The following C1orf185 variants were observed in gnomAD, a reference collection of about 807,000 sequenced individuals.
The protein encoded by C1orf185 is uncharacterized protein C1orf185.
A neutral mutation model predicts 16.1 loss-of-function variants in C1orf185; 13 were observed. The ratio of observed to expected loss-of-function variants is 0.81; its 90% CI spans 0.53 to 1.28. C1orf185 has a LOEUF of 1.28. C1orf185 is among the 50% of genes most tolerant of loss of function. The pLI is 0.00. For missense variants in C1orf185, 220 were observed against 225.2 expected (o/e 0.98, Z 0.15); for synonymous variants, 80 against 76.9 (o/e 1.04, Z -0.21).
intron 3 of C1orf185, among the ~76,000 whole-genome samples, chr1:51,128,842 G>T (rs1646261280): frequency 6.6e-6 from 1 of 152,074 alleles, no homozygotes; most frequent in Non-Finnish European, 1.5e-5. Flanking sequence ...AAACTGGAAA[G>T]TTTGTTTGAC....
intron 3 of C1orf185, among the ~76,000 whole-genome samples, chr1:51,129,944 C>T (rs1646270647): frequency 6.6e-6 from 1 of 152,168 alleles, no homozygotes; most frequent in Non-Finnish European, 1.5e-5. Context: ...TGAGCTGACA[C>T]ATACATTCAG....
Position 51,121,624 on chromosome 1 carries a change from C to T in C1orf185, c.258+2823C>T, listed in dbSNP as rs143733372. Among the ~76,000 whole-genome samples the T allele has an allele frequency of 4.2e-3, 644 of 152,168 alleles. 7 individuals are homozygous for T. Among genetic ancestry groups the T allele is most frequent in the African/African-American group, 0.015 (603 of 41,514 alleles). On this transcript the variant is annotated intron_variant, in intron 3 of 4. Coordinates refer to ENST00000371759, the MANE Select transcript of C1orf185 (RefSeq NM_001136508.2). ...CTGTTTTTCTTATCTCAATTTCTGCCTCTGTATTGGCTTCTTCCTCTTCTA... is the reference window on the plus strand; with the variant it reads ...CTGTTTTTCTTATCTCAATTTCTGCTTCTGTATTGGCTTCTTCCTCTTCTA...
At chr1:51,117,644 G>C (rs1420025574) in intron 2 of C1orf185, among the ~76,000 whole-genome samples, 1 of 151,970 alleles carries the variant, frequency 6.6e-6, no homozygotes, top group Non-Finnish European at 1.5e-5. Flanking sequence ...TTTTACTTTA[G>C]TAATACACAT....
intron 1 of C1orf185, among the ~76,000 whole-genome samples, chr1:51,104,381 C>A (rs966846048): frequency 8.5e-5 from 13 of 152,070 alleles, no homozygotes; most frequent in Non-Finnish European, 1.3e-4. Flanking sequence ...ATACATAGGT[C>A]TATAACATAT....
At chr1:51,106,729 T>C (rs186763425) in intron 1 of C1orf185, among the ~76,000 whole-genome samples, 22 of 152,020 alleles carry the variant, frequency 1.4e-4, no homozygotes, top group Non-Finnish European at 2.8e-4. Context: ...TAAATGAACA[T>C]TTTTTTGTTC....
chr1:51,106,328 T>C (rs1205889516), intron 1 of C1orf185, among the ~76,000 whole-genome samples: 2 of 152,146 alleles, frequency 1.3e-5, no homozygotes, highest in Non-Finnish European at 2.9e-5. Flanking sequence ...CCAAAGTTGA[T>C]TGTTTTCTTT....
rs372039236 is a variant in C1orf185, at chr1:51,105,961, T to C, written c.16+3712T>C. 2.0e-4 allele frequency among the ~76,000 whole-genome samples: 30 copies of C among 152,330 alleles called. 1 individual carries two copies. The South Asian group carries it at 5.4e-3, about 27-fold the overall frequency. ...TGGTAAAATGTTTTGGAAACTTTCA[T>C]GTTCTTTATATCTCATTGCAATTCC... On this transcript the variant is annotated intron_variant, in intron 1 of 4. Coordinates refer to ENST00000371759, the MANE Select transcript of C1orf185 (RefSeq NM_001136508.2).
intron 3 of C1orf185, among the ~76,000 whole-genome samples, chr1:51,137,119 A>G (rs534752260): frequency 6.6e-6 from 1 of 152,346 alleles, no homozygotes; most frequent in Admixed American, 6.5e-5. Context: ...ACACTTTTCA[A>G]AAGAAGACAT....
intron 1 of C1orf185, among the ~76,000 whole-genome samples, chr1:51,104,987 T>G (rs569469121): frequency 7.2e-5 from 11 of 151,910 alleles, no homozygotes; most frequent in East Asian, 3.9e-4. Context: ...TTTTTTGAGA[T>G]GGAGTCTTGC....
At chr1:51,150,418 C>G (rs1352693435), downstream of C1orf185, among the ~76,000 whole-genome samples, 3 of 152,086 alleles carry the variant, frequency 2.0e-5, no homozygotes, top group Non-Finnish European at 4.4e-5. Context: ...GTCTTGAACT[C>G]CTGACCTCAA....
At chr1:51,129,865 A>C (rs1219159004) in intron 3 of C1orf185, 1 of 152,140 alleles carries the variant, frequency 6.6e-6, no homozygotes, top group East Asian at 1.9e-4. Flanking sequence ...CTCATGTCTT[A>C]ATTACTTCCC....
In C1orf185 at chr1:51,147,623, C is replaced by G. The variant is rs1045473091; in HGVS notation, c.452C>G (p.Ala151Gly). The G allele has an allele frequency of 1.8e-5, 28 of 1,551,420 alleles. No homozygotes were observed. The highest frequency in any genetic ancestry group is 8.7e-7 in the Non-Finnish European group (1 of 1,146,926). The change falls in exon 5 of 5, where the codon GCT becomes GGT. Residue 151 changes from alanine to glycine, a missense_variant. Coordinates refer to ENST00000371759, the MANE Select transcript of C1orf185 (RefSeq NM_001136508.2). ...DSYYSQSIEAADDWFSDDSLV... is the reference protein window; with the variant it reads ...DSYYSQSIEAGDDWFSDDSLV... ...TATTACAGCCAAAGTATAGAAGCAG[C>G]TGATGACTGGTTTTCTGATGATTCT...
chr1:51,136,952 A>T (rs1432357588), intron 3 of C1orf185, among the ~76,000 whole-genome samples: 1 of 152,188 alleles, frequency 6.6e-6, no homozygotes, highest in Non-Finnish European at 1.5e-5. Context: ...AAAAGAAATT[A>T]TCAACAGAGT....
chr1:51,131,774 T>G (rs937758008), intron 3 of C1orf185, among the ~76,000 whole-genome samples: 1 of 152,218 alleles, frequency 6.6e-6, no homozygotes, highest in African/African-American at 2.4e-5. Context: ...TGCTGGCCAG[T>G]AGAAATAGTC....
At chr1:51,137,909 G>T (rs546710233) in intron 3 of C1orf185, among the ~76,000 whole-genome samples, 9 of 152,300 alleles carry the variant, frequency 5.9e-5, no homozygotes, top group Admixed American at 1.3e-4. Context: ...CAGGAACGTG[G>T]ATGGAACTCA....
chr1:51,125,044 A>G (rs1431676678), intron 3 of C1orf185, among the ~76,000 whole-genome samples: 1 of 151,942 alleles, frequency 6.6e-6, no homozygotes, highest in Non-Finnish European at 1.5e-5. Flanking sequence ...GGAGGAGTAA[A>G]AATCTCTGGA....
intron 3 of C1orf185, among the ~76,000 whole-genome samples, chr1:51,127,134 A>T (rs978838597): frequency 3.3e-5 from 5 of 152,226 alleles, no homozygotes; most frequent in Non-Finnish European, 7.3e-5. Flanking sequence ...AAGAATTTAG[A>T]TATTCCACTT....
chr1:51,105,789 C>G (rs1006037808), intron 1 of C1orf185, among the ~76,000 whole-genome samples: 1 of 151,970 alleles, frequency 6.6e-6, no homozygotes, highest in African/African-American at 2.4e-5. Flanking sequence ...GTATATAATA[C>G]GACTTTATGA....
At chr1:51,110,759 A>C (rs1451344244) in intron 1 of C1orf185, among the ~76,000 whole-genome samples, 1 of 152,156 alleles carries the variant, frequency 6.6e-6, no homozygotes. Flanking sequence ...ACTTGAGGTC[A>C]GGAGTTAGAG....
Sources: allele counts gnomAD v4.1 joint callset (sites outside exome capture counted in the v4.1 genomes callset), GRCh38; gene constraint gnomAD v4.1.1; transcripts MANE v1.5; gene names NCBI Gene and HGNC (gene_info 2026-07-23, HGNC 2026-07-21).